Variants in IFT122 observed in about 807,000 individuals in gnomAD.
IFT122 encodes the protein intraflagellar transport 122.
Under a neutral mutation model 161.6 loss-of-function variants are expected in IFT122, and 118 were observed. The ratio of observed to expected loss-of-function variants is 0.73; its 90% CI spans 0.63 to 0.85. The LOEUF is 0.85. IFT122 is among the 40% of genes least tolerant of loss of function. The pLI, the probability that IFT122 is intolerant of heterozygous loss-of-function variation, is 0.00. For synonymous variants in IFT122, 550 were observed against 602.4 expected (o/e 0.91, Z 1.27); for missense variants, 1,381 against 1,579.6 (o/e 0.87, Z 2.13).
At position 129,464,920 on chromosome 3, in the gene IFT122, A is replaced by AT. The variant is rs575512764; in HGVS notation, c.563+149dup. 3,332 of 872,860 alleles carry AT rather than the reference A, an allele frequency of 3.8e-3. 16 individuals are homozygous for AT. Among genetic ancestry groups the AT allele is most frequent in the South Asian group, 0.03 (1,846 of 61,622 alleles). The allele number at this position is 872,860 out of a possible 1,614,324, so 54.1% of individuals were successfully genotyped here. A position where few individuals can be genotyped will look rare whatever the true frequency, so the allele number is the denominator to read the frequency against. ...TTTAGAACCTGTCCCATTTGTATGGATTTTTTTTTTAATAGTCCCGCTACC... is the reference window on the plus strand; with the variant it reads ...TTTAGAACCTGTCCCATTTGTATGGATTTTTTTTTTTAATAGTCCCGCTACC... On this transcript the variant is annotated intron_variant, in intron 7 of 29. Coordinates refer to ENST00000348417, the MANE Select transcript of IFT122 (RefSeq NM_052989.3).
chr3:129,442,990 T>C (rs1423241819), intron 1 of IFT122, among the ~76,000 whole-genome samples: 1 of 152,208 alleles, frequency 6.6e-6, no homozygotes, highest in Non-Finnish European at 1.5e-5. Context: ...CAGGATGTCT[T>C]ATTAGGCTAG....
chr3:129,519,004 A>G, intron 27 of IFT122, 103 bp from the exon 28 acceptor site: 1 of 982,942 alleles, frequency 1.0e-6, no homozygotes, highest in Non-Finnish European at 1.6e-6. Context: ...AAACTCTTCC[A>G]CTGGTCTGGC....
intron 7 of IFT122, among the ~76,000 whole-genome samples, chr3:129,465,154 TGTGTGTGGTGTGTGA>T (rs2076603089): frequency 7.3e-6 from 1 of 137,184 alleles, no homozygotes; most frequent in Non-Finnish European, 1.5e-5. Flanking sequence ...TGTGTGTGTG[TGTGTGTGGTGTGTGA>T]GTGATGCAGC....
intron 19 of IFT122, among the ~76,000 whole-genome samples, chr3:129,500,918 T>A (rs2081455760): frequency 1.3e-5 from 2 of 152,092 alleles, no homozygotes; most frequent in Non-Finnish European, 2.9e-5. Flanking sequence ...GCTAGTGCAG[T>A]AGAGCAGGAG....
At chr3:129,487,302 G>A (rs58743495) in intron 15 of IFT122, among the ~76,000 whole-genome samples, 5,515 of 152,246 alleles carry the variant, frequency 0.036, 305 homozygotes, top group African/African-American at 0.11. Flanking sequence ...ACATATACAC[G>A]CGTGCATACA....
In IFT122 at chr3:129,481,706, G is replaced by T. The variant is rs1169591816; in HGVS notation, c.1653+12G>T. 9 of 1,613,746 alleles carry T rather than the reference G, an allele frequency of 5.6e-6. No individual in the cohort carries two copies. The South Asian group carries it at 9.9e-5, about 18-fold the overall frequency. ...AGCTGCTTTTTCAGGTGAAGTCCCT[G>T]AGGGGGCCCAGGGACATCATCCTTT... On this transcript the variant is annotated intron_variant, in intron 14 of 29. Coordinates refer to ENST00000348417, the MANE Select transcript of IFT122 (RefSeq NM_052989.3).
At chr3:129,485,688 T>C (rs1323391366) in intron 15 of IFT122, among the ~76,000 whole-genome samples, 1 of 152,262 alleles carries the variant, frequency 6.6e-6, no homozygotes, top group African/African-American at 2.4e-5. Context: ...CAAAAATAAA[T>C]GCAGTTTGCT....
At chr3:129,463,306 T>C in intron 5 of IFT122, 1 of 454,948 alleles carries the variant, frequency 2.2e-6, no homozygotes. Flanking sequence ...GTGTCATATC[T>C]ACTCACCTTA....
intron 1 of IFT122, among the ~76,000 whole-genome samples, chr3:129,448,343 G>A (rs1482039991): frequency 6.6e-6 from 1 of 152,198 alleles, no homozygotes; most frequent in Non-Finnish European, 1.5e-5. Context: ...TGAAATGCAG[G>A]TTTTATAGAT....
chr3:129,515,887 T>C (rs895100559), intron 26 of IFT122, among the ~76,000 whole-genome samples: 3 of 152,156 alleles, frequency 2.0e-5, no homozygotes, highest in African/African-American at 7.2e-5. Context: ...GGCTTTGCAT[T>C]CAGACCAGGA....
chr3:129,514,809 C>T, intron 25 of IFT122: 1 of 586,080 alleles, frequency 1.7e-6, no homozygotes, highest in Non-Finnish European at 3.1e-6. Context: ...TCCCTTGCTC[C>T]TTGCCCTCCC....
Position 129,517,524 on chromosome 3 carries a change from C to A in IFT122, c.3321C>A (p.Ala1107=). The A allele has an allele frequency of 6.2e-7, 1 of 1,614,006 alleles. No individual in the cohort carries two copies. Among genetic ancestry groups the A allele is most frequent in the Non-Finnish European group, 8.5e-7 (1 of 1,179,914 alleles). ...AGGAAGGGATCACTGATGAAGAAGC[C>A]ATCTCCCTCATCGACCTGGAGGTGC... is the stretch of plus-strand genomic sequence containing the variant. The part of the protein sequence containing the change: ...YLEEGITDEE[A]ISLIDLEVLR... Residue 1107 remains alanine (A), a synonymous_variant, in exon 27 of 30, where the codon GCC becomes GCA. Coordinates refer to ENST00000348417, the MANE Select transcript of IFT122 (RefSeq NM_052989.3).
At chr3:129,460,816 A>G (rs1054096244) in intron 4 of IFT122, 1 of 1,553,544 alleles carries the variant, frequency 6.4e-7, no homozygotes, top group Non-Finnish European at 8.9e-7. Context: ...TGATTTGCTC[A>G]GCTTTCATTG....
Position 129,469,420 on chromosome 3 carries a change from A to ATG in IFT122, c.816+5_816+6dup. On this transcript the variant is annotated splice_donor_region_variant and intron_variant, in intron 9 of 29. Transcript: ENST00000348417. Reference sequence around the variant, plus strand: ...TCTACCAGCTGAGTGGAAAACAGGTATGTAGCCCTGTACAAATCCAATTGC... The same window carrying ATG: ...TCTACCAGCTGAGTGGAAAACAGGTATGTGTAGCCCTGTACAAATCCAATTGC... 1 of 1,610,686 alleles carries ATG rather than the reference A, an allele frequency of 6.2e-7. No individual in the cohort carries two copies. The highest frequency in any genetic ancestry group is 8.5e-7 in the Non-Finnish European group (1 of 1,176,996).
intron 9 of IFT122, among the ~76,000 whole-genome samples, chr3:129,470,501 G>A (rs192101005): frequency 5.7e-4 from 87 of 151,778 alleles, no homozygotes; most frequent in African/African-American, 1.8e-3. Context: ...TCCTGACCTC[G>A]TGATCCGCCC....
At chr3:129,464,542 CTTT>C in intron 6 of IFT122, 90 bp from the exon 7 acceptor site, 1 of 1,495,594 alleles carries the variant, frequency 6.7e-7, no homozygotes, top group African/African-American at 1.4e-5. Flanking sequence ...CCTCATCAGA[CTTT>C]TATTTCAAAC....
intron 25 of IFT122, 159 bp downstream of exon 25, chr3:129,514,713 C>T: frequency 1.2e-6 from 1 of 826,610 alleles, no homozygotes; most frequent in Non-Finnish European, 2.0e-6. Flanking sequence ...CTCCCCTGTG[C>T]TTCCCTGTCC....
chr3:129,481,777 C>T (rs1259541230), intron 14 of IFT122, 83 bp downstream of exon 14: 20 of 1,468,256 alleles, frequency 1.4e-5, no homozygotes, highest in Middle Eastern at 1.8e-4. Context: ...AGGAGGCTCT[C>T]CTGCTCTGGC....
At chr3:129,479,204 T>C (rs1169149238) in intron 12 of IFT122, among the ~76,000 whole-genome samples, 2 of 150,168 alleles carry the variant, frequency 1.3e-5, no homozygotes, top group Non-Finnish European at 2.9e-5. Context: ...GGATGATTGC[T>C]TGAGGCTAGT....
Sources: allele counts gnomAD v4.1 joint callset (sites outside exome capture counted in the v4.1 genomes callset), GRCh38; gene constraint gnomAD v4.1.1; transcripts MANE v1.5; gene names NCBI Gene and HGNC (gene_info 2026-07-23, HGNC 2026-07-21).